Variants in ARHGAP20 observed in about 807,000 individuals in gnomAD.
ARHGAP20 encodes Rho GTPase activating protein 20.
Under a neutral mutation model 73.7 loss-of-function variants are expected in ARHGAP20, and 34 were observed. The observed-to-expected ratio is 0.46, with a 90% confidence interval of 0.35 to 0.61. The LOEUF (loss-of-function observed/expected upper bound fraction) is 0.61, where lower values mean the gene tolerates loss of function less well. Among genes scored for constraint, ARHGAP20 ranks in the 20% least tolerant of loss-of-function variants. ARHGAP20 has a pLI of 0.00. For synonymous variants in ARHGAP20, 523 were observed against 518.2 expected, an observed-to-expected ratio of 1.01 and a Z score of -0.13; for missense variants, 1,314 against 1,420.9, an observed-to-expected ratio of 0.92 and a Z score of 1.21.
intron 4 of ARHGAP20, among the ~76,000 whole-genome samples, 170 bp from the exon 5 acceptor site, chr11:110,615,764 G>C (rs1948469620): frequency 6.6e-6 from 1 of 152,160 alleles, no homozygotes; most frequent in Admixed American, 6.5e-5. Flanking sequence ...CTCTGCAGTG[G>C]AAATATCCCT....
At chr11:110,652,124 C>T (rs1949369015) in intron 2 of ARHGAP20, among the ~76,000 whole-genome samples, 1 of 152,056 alleles carries the variant, frequency 6.6e-6, no homozygotes, top group South Asian at 2.1e-4. Context: ...ATAAACAGAA[C>T]TAGAGACAAA....
chr11:110,698,627 C>A lies in ARHGAP20; in HGVS notation c.106-7998G>T, dbSNP rs77121596. Among the ~76,000 whole-genome samples the A allele has an allele frequency of 3.3e-3, 500 of 151,932 alleles. 4 individuals are homozygous for A. Among genetic ancestry groups the A allele is most frequent in the African/African-American group, 0.011 (475 of 41,520 alleles). On this transcript the variant is annotated intron_variant, in intron 1 of 14. Coordinates refer to ENST00000683387, the MANE Select transcript of ARHGAP20 (RefSeq NM_001384657.1). ...ATTGGTCTGTTCAGGACTTCTATTT[C>A]TTGCTGGCTCAATCATGCAGGGTTT... is the stretch of plus-strand genomic sequence containing the variant.
chr11:110,697,120 C>T (rs970205598), intron 1 of ARHGAP20, among the ~76,000 whole-genome samples: 1 of 151,532 alleles, frequency 6.6e-6, no homozygotes, highest in Admixed American at 6.6e-5. Flanking sequence ...AGTGGGATTG[C>T]AGGATTGAAT....
chr11:110,712,107 C>T lies in ARHGAP20; in HGVS notation c.105+20G>A, dbSNP rs746279634. 8.4e-6 allele frequency: 11 copies of T among 1,302,482 alleles called. No individual in the cohort carries two copies. The highest frequency in any genetic ancestry group is 5.7e-5 in the South Asian group (2 of 35,240). 80.7% of individuals were successfully genotyped at this position (1,302,482 alleles called of 1,614,324 possible). On this transcript the variant is annotated intron_variant, in intron 1 of 14. Transcript: ENST00000683387. ...GGGCTGCGGCGGCGGAGGGCACGGG[C>T]CCCCGCTCAGCGTCCTCACCTTCTT...
At position 110,712,194 on chromosome 11, in the gene ARHGAP20, C is replaced by A; in HGVS notation, c.38G>T (p.Gly13Val). The A allele has an allele frequency of 7.4e-7, 1 of 1,359,216 alleles. No individual in the cohort carries two copies. The highest frequency in any genetic ancestry group is 9.5e-7 in the Non-Finnish European group (1 of 1,050,530). The allele number at this position is 1,359,216 out of a possible 1,614,324, so 84.2% of individuals were successfully genotyped here. Residue 13 changes from glycine (G) to valine (V), a missense_variant, in exon 1 of 15, where the codon GGA becomes GTA. Around this residue, in one of 3 missense-constraint regions of ARHGAP20, gnomAD observed 443 missense variants for 466.4 expected, o/e 0.95. Coordinates refer to ENST00000683387, the MANE Select transcript of ARHGAP20 (RefSeq NM_001384657.1). ...AMSPQQETLG[G>V]QPGRSSSLTG... Reference sequence around the variant, plus strand: ...CAGGGAAGAGGAGCGCCCCGGCTGTCCCCCTAGAGTCTCCTGCTGGGGGGA... The same window carrying A: ...CAGGGAAGAGGAGCGCCCCGGCTGTACCCCTAGAGTCTCCTGCTGGGGGGA...
intron 12 of ARHGAP20, among the ~76,000 whole-genome samples, chr11:110,584,961 G>GCGAATATA (rs1186485973): frequency 1.5e-5 from 1 of 68,916 alleles, no homozygotes; most frequent in African/African-American, 3.4e-5. Context: ...ATGAATATAT[G>GCGAATATA]TGAATATATG....
At chr11:110,702,888 CACAA>C (rs1438405025) in intron 1 of ARHGAP20, among the ~76,000 whole-genome samples, 1 of 152,050 alleles carries the variant, frequency 6.6e-6, no homozygotes, top group Non-Finnish European at 1.5e-5. Flanking sequence ...TAAAAGAGGA[CACAA>C]ACAAATGGAA....
chr11:110,647,357 T>C (rs1949219558), intron 2 of ARHGAP20, among the ~76,000 whole-genome samples: 1 of 151,954 alleles, frequency 6.6e-6, no homozygotes, highest in African/African-American at 2.4e-5. Context: ...CCTTTTGAAT[T>C]TGGTAAAAGG....
intron 2 of ARHGAP20, among the ~76,000 whole-genome samples, chr11:110,639,243 C>A (rs910088513): frequency 2.7e-5 from 4 of 150,242 alleles, no homozygotes; most frequent in African/African-American, 9.9e-5. Context: ...TCGATACCCC[C>A]CCCCCACAAG....
In ARHGAP20 at chr11:110,606,665, G is replaced by A. The variant is rs77080867; in HGVS notation, c.860C>T (p.Pro287Leu). ...AAGGAAGGGCTCCTGGAGGTTGAAA[G>A]GGGTGGTAGAGTCCTTTGATCCCGG... ...LTPGSKDSTT[P>L]FNLQEPFLME... is the part of the protein sequence containing the mutation. Residue 287 changes from proline to leucine, a missense_variant, in exon 9 of 15, where the codon CCT becomes CTT. Pro to Leu is a moderately conservative substitution (Grantham distance 98). Transcript: ENST00000683387. The A allele has an allele frequency of 1.9e-6, 3 of 1,608,752 alleles. No individual in the cohort carries two copies. Among genetic ancestry groups the A allele is most frequent in the Non-Finnish European group, 2.5e-6 (3 of 1,178,564 alleles).
chr11:110,690,535 C>T lies in ARHGAP20; in HGVS notation c.188+12G>A. 9.3e-6 allele frequency: 15 copies of T among 1,610,122 alleles called. No individual in the cohort carries two copies. The highest frequency in any genetic ancestry group is 1.1e-5 in the Non-Finnish European group (13 of 1,176,424). ...CACATACTGAATGTGTAATACAAAGCTTTGCACTTACCTGGTAGTAGGCCG... is the reference window on the plus strand; with the variant it reads ...CACATACTGAATGTGTAATACAAAGTTTTGCACTTACCTGGTAGTAGGCCG... On this transcript the variant is annotated intron_variant, in intron 2 of 14. Transcript: ENST00000683387.
chr11:110,587,198 T>C (rs796169917), intron 11 of ARHGAP20, among the ~76,000 whole-genome samples: 3 of 152,318 alleles, frequency 2.0e-5, no homozygotes, highest in African/African-American at 7.2e-5. Context: ...CCTACAGAGT[T>C]GATTCTAGGC....
intron 9 of ARHGAP20, among the ~76,000 whole-genome samples, chr11:110,594,750 A>T (rs1318416866): frequency 6.6e-6 from 1 of 152,134 alleles, no homozygotes; most frequent in African/African-American, 2.4e-5. Flanking sequence ...AACTATTCCA[A>T]TCAATAGAAA....
intron 4 of ARHGAP20, among the ~76,000 whole-genome samples, chr11:110,616,686 CTT>C (rs58360001): frequency 2.4e-4 from 33 of 140,144 alleles, no homozygotes; most frequent in African/African-American, 2.6e-4. Context: ...ACATTTTTTT[CTT>C]TTTTTTTTTT....
intron 2 of ARHGAP20, among the ~76,000 whole-genome samples, chr11:110,645,072 C>G (rs1301605748): frequency 2.0e-5 from 3 of 151,828 alleles, no homozygotes; most frequent in Non-Finnish European, 4.4e-5. Context: ...TGCAGTGGTG[C>G]AATCATGGCT....
intron 1 of ARHGAP20, among the ~76,000 whole-genome samples, chr11:110,709,386 C>A (rs538385994): frequency 2.9e-4 from 44 of 152,258 alleles, no homozygotes; most frequent in Non-Finnish European, 4.1e-4. Flanking sequence ...CAGCCCTAAG[C>A]AATACAGATA....
intron 9 of ARHGAP20, among the ~76,000 whole-genome samples, chr11:110,597,638 T>C (rs1948003621): frequency 6.6e-6 from 1 of 152,186 alleles, no homozygotes; most frequent in African/African-American, 2.4e-5. Flanking sequence ...TAAAAACTTA[T>C]TTGATTTTTT....
At chr11:110,653,505 A>G (rs1314101760) in intron 2 of ARHGAP20, among the ~76,000 whole-genome samples, 1 of 152,252 alleles carries the variant, frequency 6.6e-6, no homozygotes, top group African/African-American at 2.4e-5. Context: ...AAAAATGCAA[A>G]TCAAAACCAC....
At chr11:110,651,484 C>G (rs1262925656) in intron 2 of ARHGAP20, among the ~76,000 whole-genome samples, 1 of 151,008 alleles carries the variant, frequency 6.6e-6, no homozygotes, top group Non-Finnish European at 1.5e-5. Flanking sequence ...GCTAGCTAGA[C>G]TAACATGGAA....
Sources: gnomAD v4.1 joint callset for allele counts (sites outside exome capture counted in the v4.1 genomes callset) on GRCh38, gnomAD v4.1.1 for gene constraint, gnomAD v4.1.1 regional missense constraint, MANE v1.5 for transcripts, NCBI Gene and HGNC (gene_info 2026-07-23, HGNC 2026-07-21) for gene names.